DPYSL2: variants seen among roughly 807,000 people sequenced by gnomAD.
The protein encoded by DPYSL2 is dihydropyrimidinase like 2.
In DPYSL2, 13 loss-of-function variants were observed where a neutral mutation model predicts 69.9. That is an observed-to-expected ratio of 0.19 (90% CI 0.12 to 0.30). DPYSL2 has a LOEUF of 0.30. DPYSL2 is among the 10% of genes least tolerant of loss of function. The probability of loss-of-function intolerance (pLI) is 1.00; values close to 1 mark genes in which losing one functional copy is unlikely to be tolerated. For missense variants in DPYSL2, 587 were observed against 918.9 expected, an observed-to-expected ratio of 0.64 and a Z score of 4.67; for synonymous variants, 326 against 359.1, an observed-to-expected ratio of 0.91 and a Z score of 1.04.
At position 26,648,949 on chromosome 8, in the gene DPYSL2, C is replaced by T. The variant is rs1803227863; in HGVS notation, c.1596+1149C>T. Among the ~76,000 whole-genome samples, 1 of 152,228 alleles carries T rather than the reference C, an allele frequency of 6.6e-6. No homozygotes were observed. The highest frequency in any genetic ancestry group is 2.4e-5 in the African/African-American group (1 of 41,452). ...ACCACCACTCACTGGCTCAGCCTGG[C>T]AGCGCAGCCTTATGATCGCGCCCCT... is the stretch of plus-strand genomic sequence containing the variant. On this transcript the variant is annotated intron_variant, in intron 11 of 13. Transcript: ENST00000521913. The surrounding 1 kb of genome is among the most constrained non-coding windows in gnomAD (Gnocchi z 4.3).
chr8:26,584,340 C>T (rs1317676703), intron 3 of DPYSL2, among the ~76,000 whole-genome samples: 1 of 152,124 alleles, frequency 6.6e-6, no homozygotes, highest in Non-Finnish European at 1.5e-5. Context: ...AGCCATTGAG[C>T]ATAAGTATTT....
In DPYSL2 at chr8:26,654,220, C is replaced by A. The variant is rs535298783; in HGVS notation, c.1942+823C>A. ...TATATGTACAGTGCTTAGAATGGGG[C>A]CATTTGAGAACTGTTAGTTGTATTT... On this transcript the variant is annotated intron_variant, in intron 13 of 13. Transcript: ENST00000521913. This position sits in a 1 kb window ranked among gnomAD's most constrained non-coding sequence, Gnocchi z 5.0. 6.6e-6 allele frequency among the ~76,000 whole-genome samples: 1 copy of A among 152,190 alleles called. No individual in the cohort carries two copies. Among genetic ancestry groups the A allele is most frequent in the African/African-American group, 2.4e-5 (1 of 41,524 alleles).
At chr8:26,613,121 G>A (rs6557931) in intron 3 of DPYSL2, among the ~76,000 whole-genome samples, 26,273 of 152,230 alleles carry the variant, frequency 0.17, 2,367 homozygotes, top group Middle Eastern at 0.24. Context: ...CTGAAGAGAG[G>A]TGGATATGTT....
In DPYSL2 at chr8:26,591,521, C is replaced by T. The variant is rs954865458; in HGVS notation, c.628+7538C>T. On this transcript the variant is annotated intron_variant, in intron 3 of 13. Coordinates refer to ENST00000521913, the MANE Select transcript of DPYSL2 (RefSeq NM_001197293.3). The surrounding 1 kb of genome is among the most constrained non-coding windows in gnomAD (Gnocchi z 5.8). ...AAGGCCCCTGCATGCCTGGAGCTGG[C>T]TGTGGGGGCAGCCAGAGAAGCTGCC... 6.6e-6 allele frequency among the ~76,000 whole-genome samples: 1 copy of T among 152,224 alleles called. No homozygotes were observed. Among genetic ancestry groups the T allele is most frequent in the African/African-American group, 2.4e-5 (1 of 41,458 alleles).
chr8:26,545,758 C>T (rs1267406643), intron 1 of DPYSL2, among the ~76,000 whole-genome samples: 1 of 147,740 alleles, frequency 6.8e-6, no homozygotes, highest in African/African-American at 2.5e-5. Flanking sequence ...CAGAGTGAGA[C>T]TCCATCTCAA....
rs935559198 is a variant in DPYSL2 at position 26,597,978 on chromosome 8, C to T, written c.628+13995C>T. On this transcript the variant is annotated intron_variant, in intron 3 of 13. Transcript: ENST00000521913. The surrounding 1 kb of genome is among the most constrained non-coding windows in gnomAD (Gnocchi z 5.2). ...AGCTGGGAGACCTTCGTGCCAGGGT[C>T]GACTCTGCTGCTTATTAGCTCAGGC... Among the ~76,000 whole-genome samples the T allele has an allele frequency of 1.3e-5, 2 of 152,100 alleles. No individual in the cohort carries two copies. The highest frequency in any genetic ancestry group is 2.1e-4 in the South Asian group (1 of 4,818).
At chr8:26,645,174 T>C (rs994151244) in intron 10 of DPYSL2, among the ~76,000 whole-genome samples, 1 of 151,984 alleles carries the variant, frequency 6.6e-6, no homozygotes, top group Non-Finnish European at 1.5e-5. Flanking sequence ...CCGAGGTGGG[T>C]GAATTATTTG....
rs1219508937 is a variant in DPYSL2 at position 26,516,548 on chromosome 8, T to G, written c.354+1869T>G. 6.6e-6 allele frequency among the ~76,000 whole-genome samples: 1 copy of G among 152,222 alleles called. No homozygotes were observed. On this transcript the variant is annotated intron_variant, in intron 1 of 13. Coordinates refer to ENST00000521913, the MANE Select transcript of DPYSL2 (RefSeq NM_001197293.3). This position sits in a 1 kb window ranked among gnomAD's most constrained non-coding sequence, Gnocchi z 4.8. Reference sequence around the variant, plus strand: ...CTCAAGTTTGAAAGGCATAGTTTTATCGGGTTGAATAACACTTCTTTTTTC... The same window carrying G: ...CTCAAGTTTGAAAGGCATAGTTTTAGCGGGTTGAATAACACTTCTTTTTTC...
chr8:26,579,390 G>A (rs1358109350), intron 1 of DPYSL2, among the ~76,000 whole-genome samples: 1 of 152,242 alleles, frequency 6.6e-6, no homozygotes, highest in Non-Finnish European at 1.5e-5. Flanking sequence ...ATCCCAGGGA[G>A]GGGGGAACAC....
intron 1 of DPYSL2, among the ~76,000 whole-genome samples, chr8:26,538,594 A>G (rs1800633302): frequency 6.6e-6 from 1 of 152,170 alleles, no homozygotes. Context: ...GGAGTCTACA[A>G]AGATGTTCCT....
At chr8:26,524,801 CAAAAAAAAAA>C (rs753822230) in intron 1 of DPYSL2, among the ~76,000 whole-genome samples, 14 of 41,084 alleles carry the variant, frequency 3.4e-4, no homozygotes, top group South Asian at 1.9e-3. Context: ...GACTCTGTCT[CAAAAAAAAAA>C]AAAAAAAAAA....
intron 1 of DPYSL2, among the ~76,000 whole-genome samples, chr8:26,573,797 A>G (rs1801279605): frequency 6.7e-6 from 1 of 148,310 alleles, no homozygotes; most frequent in South Asian, 2.2e-4. Flanking sequence ...AGATCATGCA[A>G]CTGCACTCCA....
chr8:26,561,801 A>G (rs754006193), intron 1 of DPYSL2, among the ~76,000 whole-genome samples: 19 of 152,170 alleles, frequency 1.2e-4, no homozygotes, highest in African/African-American at 4.1e-4. Flanking sequence ...TCGAGCTCCT[A>G]TGAAGATCTA....
intron 1 of DPYSL2, among the ~76,000 whole-genome samples, chr8:26,577,610 C>G (rs1249567719): frequency 6.7e-6 from 1 of 150,290 alleles, no homozygotes; most frequent in Non-Finnish European, 1.5e-5. Flanking sequence ...GCCGCCCCTC[C>G]CCCCGGCCGC....
At chr8:26,534,429 G>T (rs965623724) in intron 1 of DPYSL2, among the ~76,000 whole-genome samples, 8 of 151,978 alleles carry the variant, frequency 5.3e-5, no homozygotes, top group Non-Finnish European at 1.2e-4. Context: ...AAAATACTAG[G>T]ATTGTAGGCA....
intron 1 of DPYSL2, among the ~76,000 whole-genome samples, chr8:26,527,804 C>CTT (rs34631984): frequency 0.58 from 76,622 of 132,524 alleles, 24,388 homozygotes; most frequent in East Asian, 0.76. Context: ...TTTGTTTATC[C>CTT]TTTTTTTTTT....
intron 1 of DPYSL2, among the ~76,000 whole-genome samples, chr8:26,531,965 G>A (rs755486717): frequency 2.6e-5 from 4 of 152,100 alleles, no homozygotes; most frequent in Non-Finnish European, 4.4e-5. Context: ...TGGGAAGACA[G>A]GTGGTTTGCC....
chr8:26,620,620 T>G lies in DPYSL2; in HGVS notation c.629-3523T>G, dbSNP rs561322754. Among the ~76,000 whole-genome samples the G allele has an allele frequency of 6.6e-6, 1 of 152,238 alleles. No homozygotes were observed. The highest frequency in any genetic ancestry group is 1.9e-4 in the East Asian group (1 of 5,180). On this transcript the variant is annotated intron_variant, in intron 3 of 13. Transcript: ENST00000521913. The surrounding 1 kb of genome is among the most constrained non-coding windows in gnomAD (Gnocchi z 4.5). ...GTCTCTCTGTAAAGTATGAGTGAATTTAAAACATTATTAGATATGTTATCT... is the reference window on the plus strand; with the variant it reads ...GTCTCTCTGTAAAGTATGAGTGAATGTAAAACATTATTAGATATGTTATCT...
At position 26,514,240 on chromosome 8, in the gene DPYSL2, A is replaced by C; in HGVS notation, c.-86A>C. ...GCGAACGGCAGCCGCGGCAGCAGCTAGGGGGCTTGTGCACACAGCGAGGGA... is the reference window on the plus strand; with the variant it reads ...GCGAACGGCAGCCGCGGCAGCAGCTCGGGGGCTTGTGCACACAGCGAGGGA... On this transcript the variant is annotated 5_prime_UTR_variant, in exon 1 of 14. Transcript: ENST00000521913. The surrounding 1 kb of genome is among the most constrained non-coding windows in gnomAD (Gnocchi z 8.4). 2.6e-6 allele frequency: 3 copies of C among 1,174,650 alleles called. No homozygotes were observed. The highest frequency in any genetic ancestry group is 1.6e-5 in the African/African-American group (1 of 61,620). 72.8% of individuals were successfully genotyped at this position (1,174,650 alleles called of 1,614,324 possible).
Sources: gnomAD v4.1 joint callset for allele counts (sites outside exome capture counted in the v4.1 genomes callset) on GRCh38, gnomAD v4.1.1 for gene constraint, Gnocchi (gnomAD v3.1) non-coding constraint, MANE v1.5 for transcripts, NCBI Gene and HGNC (gene_info 2026-07-23, HGNC 2026-07-21) for gene names.